Variants in TMEM135 observed in about 807,000 individuals in gnomAD.
TMEM135 encodes the protein transmembrane protein 135.
TMEM135 carries 30 observed loss-of-function variants against 60.3 expected under a neutral mutation model. That is an observed-to-expected ratio of 0.50 (90% CI 0.37 to 0.68). The LOEUF is 0.68. Among genes scored for constraint, TMEM135 ranks in the 30% least tolerant of loss-of-function variants. The pLI is 0.00. For synonymous variants in TMEM135, 190 were observed against 186.7 expected (o/e 1.02, Z -0.14); for missense variants, 468 against 548.8 (o/e 0.85, Z 1.47).
intron 7 of TMEM135, 111 bp from the exon 8 acceptor site, chr11:87,302,185 C>T: frequency 8.8e-7 from 1 of 1,139,064 alleles, no homozygotes; most frequent in Non-Finnish European, 1.2e-6. Flanking sequence ...AATACTATCT[C>T]AAATGATAAA....
At chr11:87,182,442 T>C (rs1025595842) in intron 5 of TMEM135, among the ~76,000 whole-genome samples, 2 of 152,128 alleles carry the variant, frequency 1.3e-5, no homozygotes, top group Non-Finnish European at 2.9e-5. Context: ...TGGTAGCACC[T>C]TGACTAAGGT....
chr11:87,221,447 A>G (rs1157366313), intron 5 of TMEM135, among the ~76,000 whole-genome samples: 1 of 152,306 alleles, frequency 6.6e-6, no homozygotes, highest in East Asian at 1.9e-4. Context: ...TGTTAGAGTA[A>G]TGTTATTTTA....
chr11:87,303,530 C>T (rs1030374415), intron 8 of TMEM135, among the ~76,000 whole-genome samples: 11 of 152,172 alleles, frequency 7.2e-5, no homozygotes, highest in South Asian at 4.1e-4. Context: ...AACCATTATG[C>T]ATTTCCAAGT....
chr11:87,118,359 A>G lies in TMEM135; in HGVS notation c.396+26964A>G, dbSNP rs530059363. On this transcript the variant is annotated intron_variant, in intron 4 of 14. Transcript: ENST00000305494. ...AAGTCATAGATGACATCTTCTTCCA[A>G]TGTAAGGCTCCTTTGTCTAAAATCT... Among the ~76,000 whole-genome samples, 26 of 152,236 alleles carry G rather than the reference A, an allele frequency of 1.7e-4. No individual in the cohort carries two copies. The South Asian group carries it at 3.1e-3, about 18-fold the overall frequency.
At chr11:87,068,190 A>G (rs1395616867) in intron 2 of TMEM135, among the ~76,000 whole-genome samples, 1 of 152,230 alleles carries the variant, frequency 6.6e-6, no homozygotes, top group African/African-American at 2.4e-5. Context: ...GCAGTGAACA[A>G]ACTTCAAAAG....
chr11:87,196,129 T>C (rs1014003334), intron 5 of TMEM135, among the ~76,000 whole-genome samples: 25 of 152,198 alleles, frequency 1.6e-4, no homozygotes, highest in African/African-American at 6.0e-4. Flanking sequence ...TTTAAAATGT[T>C]CCTTTATAAT....
chr11:87,136,804 T>C (rs540138753), intron 4 of TMEM135, among the ~76,000 whole-genome samples: 15 of 152,086 alleles, frequency 9.9e-5, no homozygotes, highest in Admixed American at 3.9e-4. Flanking sequence ...TTGTACATAA[T>C]ATTTCCTCAT....
chr11:87,146,915 A>G (rs912302785), intron 4 of TMEM135, among the ~76,000 whole-genome samples: 2 of 152,072 alleles, frequency 1.3e-5, no homozygotes, highest in Non-Finnish European at 1.5e-5. Flanking sequence ...GGAAATAAAT[A>G]TCTGCTAAAT....
At chr11:87,320,080 A>G (rs1942796085) in intron 14 of TMEM135, among the ~76,000 whole-genome samples, 1 of 152,206 alleles carries the variant, frequency 6.6e-6, no homozygotes, top group Non-Finnish European at 1.5e-5. Context: ...ATTAATAATA[A>G]TAGCAAATAC....
chr11:87,268,168 C>T (rs1941788840), intron 6 of TMEM135, among the ~76,000 whole-genome samples: 1 of 146,938 alleles, frequency 6.8e-6, no homozygotes, highest in African/African-American at 2.5e-5. Context: ...CCTTTCCTTT[C>T]CTTTCTTTTC....
At chr11:87,071,686 T>TG in intron 3 of TMEM135, 71 bp downstream of exon 3, 8 of 1,169,774 alleles carry the variant, frequency 6.8e-6, no homozygotes, top group Non-Finnish European at 8.6e-6. Flanking sequence ...TTTTTTTTTT[T>TG]TAATTATCAC....
chr11:87,195,503 C>T (rs1164603940), intron 5 of TMEM135, among the ~76,000 whole-genome samples: 2 of 151,682 alleles, frequency 1.3e-5, no homozygotes, highest in South Asian at 4.2e-4. Context: ...CTCAGCTCGC[C>T]GCAATCTCCA....
intron 4 of TMEM135, chr11:87,121,370 A>G (rs1858051983): frequency 6.6e-6 from 1 of 152,208 alleles, no homozygotes. Flanking sequence ...ATGTAGAAGA[A>G]TAAATAATTA....
chr11:87,115,150 T>G (rs1222604118), intron 4 of TMEM135, among the ~76,000 whole-genome samples: 1 of 150,678 alleles, frequency 6.6e-6, no homozygotes, highest in East Asian at 2.0e-4. Flanking sequence ...TCAAAGAAAT[T>G]TGTTTAATTT....
At chr11:87,091,169 T>C (rs1344745315) in intron 3 of TMEM135, among the ~76,000 whole-genome samples, 193 bp from the exon 4 acceptor site, 4 of 152,066 alleles carry the variant, frequency 2.6e-5, no homozygotes, top group East Asian at 3.8e-4. Flanking sequence ...AGTGACTTTA[T>C]GGAATTTATT....
rs201982468 is a variant in TMEM135, at chr11:87,172,350, T to G, written c.462+14944T>G. Among the ~76,000 whole-genome samples the G allele has an allele frequency of 7.2e-5, 11 of 152,218 alleles. No individual in the cohort carries two copies. The East Asian group carries it at 2.1e-3, about 29-fold the overall frequency. Reference sequence around the variant, plus strand: ...AATAGAAAAGAAATTTAAAGTATATTTAAAGATTTTTGTATGTAAAGTAGA... The same window carrying G: ...AATAGAAAAGAAATTTAAAGTATATGTAAAGATTTTTGTATGTAAAGTAGA... On this transcript the variant is annotated intron_variant, in intron 5 of 14. Transcript: ENST00000305494.
At chr11:87,206,475 C>T (rs959676666) in intron 5 of TMEM135, among the ~76,000 whole-genome samples, 2 of 151,850 alleles carry the variant, frequency 1.3e-5, no homozygotes, top group African/African-American at 4.8e-5. Context: ...CAAATTACTT[C>T]CATAATTGTT....
At chr11:87,185,913 C>CTTTTTTTTTTTTTTTTTTTTTTTT (rs367985910) in intron 5 of TMEM135, among the ~76,000 whole-genome samples, 1 of 138,852 alleles carries the variant, frequency 7.2e-6, no homozygotes, top group Non-Finnish European at 1.6e-5. Flanking sequence ...AGTTATCCTT[C>CTTTTTTTTTTTTTTTTTTTTTTTT]TTTTTTTTTT....
In TMEM135 at chr11:87,300,104, A is replaced by G. The variant is rs1313393499; in HGVS notation, c.552-2192A>G. On this transcript the variant is annotated intron_variant, in intron 7 of 14. Transcript: ENST00000305494. ...AAATAGTTCATTTAATTGTAATATAATAATAGCTTCTATAGTGAGCACTCA... is the reference window on the plus strand; with the variant it reads ...AAATAGTTCATTTAATTGTAATATAGTAATAGCTTCTATAGTGAGCACTCA... Among the ~76,000 whole-genome samples the G allele has an allele frequency of 2.0e-5, 3 of 152,198 alleles. No homozygotes were observed. The East Asian group carries it at 5.8e-4, about 29-fold the overall frequency.
Sources: gnomAD v4.1 joint callset for allele counts (sites outside exome capture counted in the v4.1 genomes callset) on GRCh38, gnomAD v4.1.1 for gene constraint, MANE v1.5 for transcripts, NCBI Gene and HGNC (gene_info 2026-07-23, HGNC 2026-07-21) for gene names.